Variants in LPAR6 observed in about 807,000 individuals in gnomAD.
LPAR6 encodes the protein G-protein coupled purinergic receptor P2Y5.
Under a neutral mutation model 22.0 loss-of-function variants are expected in LPAR6, and 17 were observed. That is an observed-to-expected ratio of 0.77 (90% CI 0.53 to 1.16). The LOEUF is 1.16. Ranked by LOEUF, LPAR6 falls within the 50% of genes most tolerant of loss-of-function variation. The pLI is 0.00. For missense variants in LPAR6, 384 were observed against 406.9 expected (o/e 0.94, Z 0.48); for synonymous variants, 136 against 139.8 (o/e 0.97, Z 0.19).
In LPAR6 at chr13:48,440,816, TAAA is replaced by T. The variant is rs371871028; in HGVS notation, c.-1474+3734_-1474+3736del. 9.1e-4 allele frequency among the ~76,000 whole-genome samples: 138 copies of T among 152,300 alleles called. 3 individuals carry two copies. The East Asian group carries it at 0.02, about 23-fold the overall frequency. On this transcript the variant is annotated intron_variant, in intron 1 of 6. Coordinates refer to the LPAR6 transcript ENST00000378434. Reference sequence around the variant, plus strand: ...TAATAAATAGAAAATGAAAGGAGCTTAAAAAGCAAATTGAACACATAGTTATCA... The same window carrying T: ...TAATAAATAGAAAATGAAAGGAGCTTAAGCAAATTGAACACATAGTTATCA...
At chr13:48,409,570 A>ATTTT (rs5803435), downstream of LPAR6, among the ~76,000 whole-genome samples, 18 of 59,696 alleles carry the variant, frequency 3.0e-4, 1 homozygote, top group African/African-American at 1.2e-3. Context: ...GAACTGCTTG[A>ATTTT]TTTTTTTTTT....
At chr13:48,439,996 T>TTATATGTATATG (rs1227342924) in intron 1 of LPAR6, among the ~76,000 whole-genome samples, 10 of 152,268 alleles carry the variant, frequency 6.6e-5, no homozygotes, top group African/African-American at 2.4e-4. Flanking sequence ...CTAAATATTT[T>TTATATGTATATG]TATATGTATA....
chr13:48,395,512 A>G (rs1435396450), intron 1 of LPAR6, among the ~76,000 whole-genome samples: 1 of 152,118 alleles, frequency 6.6e-6, no homozygotes, highest in Admixed American at 6.5e-5. Flanking sequence ...TAACTAGAAT[A>G]ACCAGTTTAG....
intron 1 of LPAR6, among the ~76,000 whole-genome samples, chr13:48,398,247 C>G (rs1427776903): frequency 1.3e-5 from 2 of 152,096 alleles, no homozygotes; most frequent in Non-Finnish European, 2.9e-5. Context: ...AAATTCAATT[C>G]TGAAAACATA....
chr13:48,439,619 C>T (rs1949216818), intron 1 of LPAR6: 2 of 152,152 alleles, frequency 1.3e-5, no homozygotes, highest in African/African-American at 4.8e-5. Context: ...CGTATCATCA[C>T]TTTAGCCCAA....
chr13:48,401,124 C>A (rs904130925), intron 1 of LPAR6, among the ~76,000 whole-genome samples: 4 of 152,052 alleles, frequency 2.6e-5, no homozygotes, highest in Non-Finnish European at 4.4e-5. Context: ...GTTCACTATT[C>A]AAGTACAAAC....
chr13:48,439,093 G>A (rs769452039), intron 1 of LPAR6, among the ~76,000 whole-genome samples: 2 of 152,120 alleles, frequency 1.3e-5, no homozygotes, highest in South Asian at 4.1e-4. Context: ...GCAAAGGAAC[G>A]TGACTCCCAT....
At chr13:48,406,663 T>C (rs558788468), downstream of LPAR6, 7 of 152,226 alleles carry the variant, frequency 4.6e-5, no homozygotes, top group Non-Finnish European at 1.0e-4. Flanking sequence ...CCACTTTGAA[T>C]GTTTTAATTC....
rs578054565 is a variant in LPAR6 at position 48,392,153 on chromosome 13, C to T, written n.115-2341G>A. ...TGAGATGAAGCCTCGCTCTTTTGCCCAGGCTGGAGTGCAGTGGCATGATCC... is the reference window on the plus strand; with the variant it reads ...TGAGATGAAGCCTCGCTCTTTTGCCTAGGCTGGAGTGCAGTGGCATGATCC... On this transcript the variant is annotated intron_variant and non_coding_transcript_variant, in intron 1 of 1. Transcript: ENST00000462781. Among the ~76,000 whole-genome samples the T allele has an allele frequency of 1.9e-4, 29 of 151,964 alleles. 2 individuals carry two copies. The highest frequency in any genetic ancestry group is 7.0e-4 in the African/African-American group (29 of 41,398).
At chr13:48,416,075 A>G (rs1462589458), upstream of LPAR6, among the ~76,000 whole-genome samples, 1 of 152,250 alleles carries the variant, frequency 6.6e-6, no homozygotes, top group Admixed American at 6.5e-5. Context: ...AACTCTGAGA[A>G]TCAACTTATT....
chr13:48,404,309 T>C (rs985353229), intron 1 of LPAR6: 3 of 152,058 alleles, frequency 2.0e-5, no homozygotes, highest in African/African-American at 7.2e-5. Flanking sequence ...AGGAGGAAAA[T>C]ACAACAAAGT....
At chr13:48,391,246 T>C (rs1266942660) in intron 1 of LPAR6, among the ~76,000 whole-genome samples, 3 of 152,226 alleles carry the variant, frequency 2.0e-5, no homozygotes, top group Non-Finnish European at 4.4e-5. Flanking sequence ...CATTTTCCCT[T>C]TTCCAACCTT....
chr13:48,431,543 A>G (rs939177866), upstream of LPAR6, among the ~76,000 whole-genome samples: 1 of 152,214 alleles, frequency 6.6e-6, no homozygotes, highest in Non-Finnish European at 1.5e-5. Context: ...CTATTCCCAG[A>G]GCAAAATTTC....
downstream of LPAR6, among the ~76,000 whole-genome samples, chr13:48,409,570 A>ATTT (rs5803435): frequency 5.4e-3 from 321 of 59,686 alleles, 43 homozygotes; most frequent in African/African-American, 0.02. Flanking sequence ...GAACTGCTTG[A>ATTT]TTTTTTTTTT....
At chr13:48,429,388 C>G (rs1949107565), upstream of LPAR6, 1 of 152,206 alleles carries the variant, frequency 6.6e-6, no homozygotes, top group South Asian at 2.1e-4. Context: ...ACACTAAGTT[C>G]TGCATCAATA....
chr13:48,419,307 A>G (rs1480593517), intron 2 of LPAR6, among the ~76,000 whole-genome samples: 1 of 152,236 alleles, frequency 6.6e-6, no homozygotes, highest in Admixed American at 6.5e-5. Flanking sequence ...AATGAAATTA[A>G]GGCAGAAACA....
At chr13:48,442,346 G>A (rs555753603) in intron 1 of LPAR6, among the ~76,000 whole-genome samples, 6 of 152,116 alleles carry the variant, frequency 3.9e-5, no homozygotes, top group East Asian at 1.9e-4. Flanking sequence ...GACTACAGGC[G>A]CATGCAACCA....
rs779621787 is a variant in LPAR6 at position 48,411,944 on chromosome 13, C to G, written c.480G>C (p.Gln160His). 6.2e-7 allele frequency: 1 copy of G among 1,612,436 alleles called. No individual in the cohort carries two copies. Among genetic ancestry groups the G allele is most frequent in the Non-Finnish European group, 8.5e-7 (1 of 1,179,148 alleles). The change falls in exon 1 of 1, where the codon CAG becomes CAC. Residue 160 changes from glutamine to histidine, a missense_variant. Coordinates refer to ENST00000620633, the MANE Select transcript of LPAR6 (RefSeq NM_001162498.3). ...AGCAGGCTTCTGAGGCATTGTTACC[C>G]TGAGAGTGGGTAGACTGAACAAAAA... ...PAVFVQSTHS[Q>H]GNNASEACFE...
At chr13:48,422,713 T>C (rs1237528061) in exon 2 of LPAR6, 1 of 152,092 alleles carries the variant, frequency 6.6e-6, no homozygotes, top group Non-Finnish European at 1.5e-5. Flanking sequence ...GAGGATTGTT[T>C]GAGCCTAGGA....
Sources: gnomAD v4.1 joint callset for allele counts (sites outside exome capture counted in the v4.1 genomes callset) on GRCh38, gnomAD v4.1.1 for gene constraint, MANE v1.5 for transcripts, NCBI Gene and HGNC (gene_info 2026-07-23, HGNC 2026-07-21) for gene names.